Variants in TTC39B observed in about 807,000 individuals in gnomAD.
TTC39B encodes tetratricopeptide repeat protein 39B.
TTC39B carries 92 observed loss-of-function variants against 96.6 expected under a neutral mutation model. The observed-to-expected ratio is 0.95, with a 90% CI of 0.80 to 1.13. TTC39B has a LOEUF of 1.13. Ranked by LOEUF, TTC39B falls within the 50% of genes most tolerant of loss-of-function variation. The pLI is 0.00. For synonymous variants in TTC39B, 367 were observed against 299.4 expected (o/e 1.23, Z -2.33); for missense variants, 955 against 809.3 (o/e 1.18, Z -2.18).
intron 1 of TTC39B, among the ~76,000 whole-genome samples, chr9:15,303,507 G>C (rs1400596971): frequency 2.0e-5 from 3 of 151,670 alleles, no homozygotes; most frequent in Non-Finnish European, 2.9e-5. Context: ...AATAACTTAG[G>C]ACTACAGGCG....
At chr9:15,190,483 T>C in intron 11 of TTC39B, 71 bp downstream of exon 11, 1 of 1,395,904 alleles carries the variant, frequency 7.2e-7, no homozygotes, top group South Asian at 1.2e-5. Context: ...GTAGTTGGGA[T>C]TACAGGTGTA....
chr9:15,178,810 G>C (rs1327713652), intron 17 of TTC39B, among the ~76,000 whole-genome samples: 1 of 152,162 alleles, frequency 6.6e-6, no homozygotes. Flanking sequence ...TTCTGTGTTG[G>C]CTTCAATACA....
At chr9:15,176,283 C>T (rs1817933873) in intron 18 of TTC39B, among the ~76,000 whole-genome samples, 1 of 152,144 alleles carries the variant, frequency 6.6e-6, no homozygotes, top group African/African-American at 2.4e-5. Flanking sequence ...ATGAGATTCA[C>T]ATACAAAAAA....
intron 1 of TTC39B, among the ~76,000 whole-genome samples, chr9:15,285,240 G>GC (rs1823921529): frequency 6.6e-6 from 1 of 150,392 alleles, no homozygotes; most frequent in East Asian, 2.0e-4. Flanking sequence ...CTGCACTCCA[G>GC]CCTGGGCGAC....
intron 16 of TTC39B, among the ~76,000 whole-genome samples, chr9:15,184,564 G>C (rs900126832): frequency 1.6e-4 from 24 of 152,054 alleles, no homozygotes; most frequent in Admixed American, 3.9e-4. Flanking sequence ...AGTATTTTTT[G>C]AAGAACACTT....
intron 2 of TTC39B, among the ~76,000 whole-genome samples, chr9:15,253,130 T>C (rs751787438): frequency 1.3e-5 from 2 of 152,188 alleles, no homozygotes; most frequent in African/African-American, 4.8e-5. Context: ...GTCTGAATAA[T>C]GGCACCCAAG....
exon 20 of TTC39B, chr9:15,169,152 T>C (rs555602528): frequency 6.6e-6 from 1 of 152,338 alleles, no homozygotes; most frequent in East Asian, 1.9e-4. Flanking sequence ...AAAATCTTCC[T>C]CGGCACTGAT....
exon 4 of TTC39B, chr9:15,214,243 T>A (rs1196664071): frequency 1.9e-6 from 3 of 1,613,024 alleles, no homozygotes; most frequent in Non-Finnish European, 2.5e-6. Flanking sequence ...CCTTGGTTGA[T>A]GATGAACTAA....
chr9:15,270,709 T>C (rs1006485931), intron 1 of TTC39B, among the ~76,000 whole-genome samples: 6 of 151,446 alleles, frequency 4.0e-5, no homozygotes, highest in Non-Finnish European at 8.8e-5. Context: ...GAGTTCAGCA[T>C]GGACAGTATA....
At chr9:15,181,570 C>T (rs1818251166) in intron 17 of TTC39B, among the ~76,000 whole-genome samples, 3 of 152,202 alleles carry the variant, frequency 2.0e-5, no homozygotes, top group Admixed American at 2.0e-4. Context: ...CCTTTTACCA[C>T]ATCAGCTGCT....
At chr9:15,303,060 T>A (rs1424969433) in intron 1 of TTC39B, among the ~76,000 whole-genome samples, 1 of 148,360 alleles carries the variant, frequency 6.7e-6, no homozygotes, top group Admixed American at 6.7e-5. Flanking sequence ...CCCAGCTACT[T>A]GGGAGGCTGA....
chr9:15,201,958 A>T (rs939259912), intron 7 of TTC39B, among the ~76,000 whole-genome samples: 5 of 152,210 alleles, frequency 3.3e-5, no homozygotes, highest in African/African-American at 1.2e-4. Context: ...GAATGAGCTG[A>T]AGGTAAAAGA....
At chr9:15,251,607 A>T (rs1487694892) in intron 2 of TTC39B, among the ~76,000 whole-genome samples, 1 of 148,694 alleles carries the variant, frequency 6.7e-6, no homozygotes, top group Non-Finnish European at 1.5e-5. Context: ...AGAGATAACC[A>T]CTCTTAATGT....
chr9:15,286,119 G>T (rs1823967459), intron 1 of TTC39B, among the ~76,000 whole-genome samples: 1 of 152,202 alleles, frequency 6.6e-6, no homozygotes, highest in Admixed American at 6.5e-5. Context: ...CCACAGTGGA[G>T]TTCTCTACTT....
chr9:15,299,435 T>A (rs1354605418), intron 1 of TTC39B, among the ~76,000 whole-genome samples: 1 of 152,016 alleles, frequency 6.6e-6, no homozygotes, highest in Non-Finnish European at 1.5e-5. Flanking sequence ...TTTAGAGAGG[T>A]GTGATGACAT....
At chr9:15,199,880 T>A in exon 8 of TTC39B, 1 of 1,542,320 alleles carries the variant, frequency 6.5e-7, no homozygotes. Context: ...TGGTAACTTG[T>A]TCTAATTTTG....
Position 15,300,887 on chromosome 9 carries a change from G to A in TTC39B, c.240+6197C>T, listed in dbSNP as rs1048021494. On this transcript the variant is annotated intron_variant, in intron 1 of 19. Coordinates refer to ENST00000512701, the Ensembl canonical transcript of TTC39B. ...AGCCTGGGTGAAAGAGTAAAACTCCGTCTCAAAAAAAAAAAAAAAAAAAAA... is the reference window on the plus strand; with the variant it reads ...AGCCTGGGTGAAAGAGTAAAACTCCATCTCAAAAAAAAAAAAAAAAAAAAA... Among the ~76,000 whole-genome samples the A allele has an allele frequency of 4.1e-4, 19 of 46,206 alleles. No individual in the cohort carries two copies. In the East Asian group the frequency reaches 5.4e-3, roughly 13 times the overall value. The allele number at this position is 46,206 out of a possible 152,430, so 30.3% of individuals were successfully genotyped here. A position where few individuals can be genotyped will look rare whatever the true frequency, so the allele number is the denominator to read the frequency against.
In TTC39B at chr9:15,225,914, G is replaced by T; in HGVS notation, c.371+3C>A. The T allele has an allele frequency of 6.2e-7, 1 of 1,613,210 alleles. No individual in the cohort carries two copies. Among genetic ancestry groups the T allele is most frequent in the South Asian group, 1.1e-5 (1 of 91,012 alleles). ...CCCAGGAATGCCCACAACCCTTCCT[G>T]ACCTGCTGACAGTAGACGCTCCGCG... On this transcript the variant is annotated splice_donor_region_variant and intron_variant, in intron 3 of 19. Transcript: ENST00000512701.
At chr9:15,256,338 A>G (rs998773260) in intron 2 of TTC39B, among the ~76,000 whole-genome samples, 2 of 152,234 alleles carry the variant, frequency 1.3e-5, no homozygotes, top group Non-Finnish European at 2.9e-5. Context: ...AGCAGTGAGG[A>G]AATAAATTTC....
Sources: allele counts gnomAD v4.1 joint callset (sites outside exome capture counted in the v4.1 genomes callset), GRCh38; gene constraint gnomAD v4.1.1; transcripts MANE v1.5; gene names NCBI Gene and HGNC (gene_info 2026-07-23, HGNC 2026-07-21).